The following IER5L variants were observed in gnomAD, a reference collection of about 807,000 sequenced individuals.
IER5L encodes immediate early response 5 like, also known as immediate early response gene 5-like protein.
Under a neutral mutation model 28.3 loss-of-function variants are expected in IER5L, and 6 were observed. The ratio of observed to expected loss-of-function variants is 0.21; its 90% CI spans 0.12 to 0.42. IER5L has a LOEUF of 0.42. Among genes scored for constraint, IER5L ranks in the 10% least tolerant of loss-of-function variants. The pLI is 1.00. For synonymous variants in IER5L, 351 were observed against 282.5 expected (o/e 1.24, Z -2.43); for missense variants, 607 against 575.2 (o/e 1.06, Z -0.56).
In IER5L at chr9:129,175,869, G is replaced by A. The variant is rs1829385567; in HGVS notation, c.*969C>T. On this transcript the variant is annotated 3_prime_UTR_variant, in exon 1 of 1. Transcript: ENST00000372491. This position sits in a 1 kb window ranked among gnomAD's most constrained non-coding sequence, Gnocchi z 5.2. Reference sequence around the variant, plus strand: ...TGCAACCGAAGGCTGAACCAAGGCAGTGCAACTTAGAAGCACACACACAAA... The same window carrying A: ...TGCAACCGAAGGCTGAACCAAGGCAATGCAACTTAGAAGCACACACACAAA... 6.6e-6 allele frequency: 1 copy of A among 152,270 alleles called. No homozygotes were observed. 9.4% of individuals were successfully genotyped at this position (152,270 alleles called of 1,614,324 possible).
chr9:129,178,175 T>C lies in IER5L; in HGVS notation c.-123A>G. ...GGGGTAACGGAGTCCGGGTCAGAGG[T>C]TCGGCTGCGCTCCGAAAGGAGCCGC... On this transcript the variant is annotated 5_prime_UTR_variant, in exon 1 of 1. Transcript: ENST00000372491. 1.2e-6 allele frequency: 1 copy of C among 817,654 alleles called. No individual in the cohort carries two copies. The highest frequency in any genetic ancestry group is 1.7e-6 in the Non-Finnish European group (1 of 596,902). The allele number at this position is 817,654 out of a possible 1,614,324, so 50.6% of individuals were successfully genotyped here.
chr9:129,177,462 G>C lies in IER5L; in HGVS notation c.591C>G (p.Leu197=). ...CCGGGGCGCGAGGGTCCCGCGGGCAGAGCGCAGCGGGCGCGGGCGGCGGCA... is the reference window on the plus strand; with the variant it reads ...CCGGGGCGCGAGGGTCCCGCGGGCACAGCGCAGCGGGCGCGGGCGGCGGCA... The part of the protein sequence containing the change: ...LPLPPPAPAA[L]CPRDPRAPAA... Residue 197 remains leucine (L), a synonymous_variant, in exon 1 of 1, where the codon CTC becomes CTG. Transcript: ENST00000372491. 1 of 1,043,728 alleles carries C rather than the reference G, an allele frequency of 9.6e-7. No homozygotes were observed. Among genetic ancestry groups the C allele is most frequent in the Non-Finnish European group, 1.2e-6 (1 of 869,278 alleles). The allele number at this position is 1,043,728 out of a possible 1,614,324, so 64.7% of individuals were successfully genotyped here.
At position 129,177,237 on chromosome 9, in the gene IER5L, C is replaced by A; in HGVS notation, c.816G>T (p.Leu272Phe). Residue 272 changes from leucine (L) to phenylalanine (F), a missense_variant, in exon 1 of 1, where the codon TTG (leucine) becomes TTT (phenylalanine). Coordinates refer to ENST00000372491, the MANE Select transcript of IER5L (RefSeq NM_203434.3). ...HVVTTVENGY[L>F]HQDCCASAHC... ...GGGCGGAGGCGCAGCAGTCCTGGTG[C>A]AAGTAGCCGTTCTCCACCGTGGTCA... The A allele has an allele frequency of 6.8e-7, 1 of 1,466,766 alleles. No individual in the cohort carries two copies. Among genetic ancestry groups the A allele is most frequent in the South Asian group, 1.4e-5 (1 of 69,494 alleles). 90.9% of individuals were successfully genotyped at this position (1,466,766 alleles called of 1,614,324 possible).
chr9:129,176,796 C>A lies in IER5L; in HGVS notation c.*42G>T. On this transcript the variant is annotated 3_prime_UTR_variant, in exon 1 of 1. Transcript: ENST00000372491. ...CCCTTTGCCGAGTCTTTGTCTGGCCCCAGCCCCGCGGGGCCCCGGGTCCCT... is the reference window on the plus strand; with the variant it reads ...CCCTTTGCCGAGTCTTTGTCTGGCCACAGCCCCGCGGGGCCCCGGGTCCCT... 6.8e-7 allele frequency: 1 copy of A among 1,475,692 alleles called. No individual in the cohort carries two copies. The highest frequency in any genetic ancestry group is 1.4e-5 in the South Asian group (1 of 72,698). 91.4% of individuals were successfully genotyped at this position (1,475,692 alleles called of 1,614,324 possible).
In IER5L at chr9:129,178,214, G is replaced by A. The variant is rs888542851; in HGVS notation, c.-162C>T. 1.3e-5 allele frequency: 7 copies of A among 536,136 alleles called. No individual in the cohort carries two copies. The highest frequency in any genetic ancestry group is 2.0e-5 in the Non-Finnish European group (7 of 343,010). 33.2% of individuals were successfully genotyped at this position (536,136 alleles called of 1,614,324 possible). On this transcript the variant is annotated 5_prime_UTR_variant, in exon 1 of 1. Coordinates refer to ENST00000372491, the MANE Select transcript of IER5L (RefSeq NM_203434.3). ...GAAAGGAGCCGCCACCATGCGCCGC[G>A]CGCCACCCGCGGGCTCGCGCTCCCC...
Position 129,176,908 on chromosome 9 carries a change from T to C in IER5L, c.1145A>G (p.Asn382Ser), listed in dbSNP as rs770595002. ...PDSSEQPPPL[N>S]GQLCAKQALA... Reference sequence around the variant, plus strand: ...CGCCTGCTTGGCGCACAGCTGCCCGTTGAGCGGCGGCGGCTGCTCCGAGGA... The same window carrying C: ...CGCCTGCTTGGCGCACAGCTGCCCGCTGAGCGGCGGCGGCTGCTCCGAGGA... The change falls in exon 1 of 1, where the codon AAC (asparagine) becomes AGC (serine). Residue 382 changes from asparagine to serine, a missense_variant. Transcript: ENST00000372491. 1.9e-6 allele frequency: 3 copies of C among 1,605,336 alleles called. No homozygotes were observed. Among genetic ancestry groups the C allele is most frequent in the Non-Finnish European group, 2.5e-6 (3 of 1,177,060 alleles).
chr9:129,176,747 C>T lies in IER5L; in HGVS notation c.*91G>A. 1.4e-6 allele frequency: 2 copies of T among 1,382,712 alleles called. No homozygotes were observed. Among genetic ancestry groups the T allele is most frequent in the Non-Finnish European group, 1.9e-6 (2 of 1,071,378 alleles). 85.7% of individuals were successfully genotyped at this position (1,382,712 alleles called of 1,614,324 possible). Reference sequence around the variant, plus strand: ...CCCAGCTCAGCCCCGAGTGGCCCGGCGCCCGCTCGTTCCCTCCTCTCGCCC... The same window carrying T: ...CCCAGCTCAGCCCCGAGTGGCCCGGTGCCCGCTCGTTCCCTCCTCTCGCCC... On this transcript the variant is annotated 3_prime_UTR_variant, in exon 1 of 1. Transcript: ENST00000372491.
Position 129,177,144 on chromosome 9 carries a change from C to T in IER5L, c.909G>A (p.Lys303=), listed in dbSNP as rs755993737. The change falls in exon 1 of 1, where the codon AAG becomes AAA. Residue 303 remains lysine (K), a synonymous_variant. Transcript: ENST00000372491. ...GLASAAGCKR[K]YYPGQEEEED... is the part of the protein sequence containing the mutation. ...CCTCCTCCTCCTGGCCAGGGTAATA[C>T]TTGCGCTTGCAGCCGGCGGCGGACG... 2 of 1,465,574 alleles carry T rather than the reference C, an allele frequency of 1.4e-6. No individual in the cohort carries two copies. The highest frequency in any genetic ancestry group is 2.6e-5 in the East Asian group (1 of 38,460). 90.8% of individuals were successfully genotyped at this position (1,465,574 alleles called of 1,614,324 possible).
In IER5L at chr9:129,177,423, C is replaced by T. The variant is rs1453634340; in HGVS notation, c.630G>A (p.Ala210=). The change falls in exon 1 of 1, where the codon GCG becomes GCA. Residue 210 remains alanine, a synonymous_variant. Coordinates refer to ENST00000372491, the MANE Select transcript of IER5L (RefSeq NM_203434.3). ...CGGCCGGAGGGGCGGCCCCTGGGGG[C>T]GCGGAGCAGGCGGCCGGGGCGCGAG... is the stretch of plus-strand genomic sequence containing the variant. ...RDPRAPAACS[A]PPGAAPPAAA... 6 of 1,218,754 alleles carry T rather than the reference C, an allele frequency of 4.9e-6. No homozygotes were observed. Among genetic ancestry groups the T allele is most frequent in the Non-Finnish European group, 6.1e-6 (6 of 980,540 alleles). 75.5% of individuals were successfully genotyped at this position (1,218,754 alleles called of 1,614,324 possible).
At position 129,177,887 on chromosome 9, in the gene IER5L, A is replaced by G. The variant is rs773271697; in HGVS notation, c.166T>C (p.Tyr56His). The change falls in exon 1 of 1, where the codon TAC becomes CAC. Residue 56 changes from tyrosine to histidine, a missense_variant. Transcript: ENST00000372491. The part of the protein sequence containing the change: ...LYLSERYAEL[Y>H]RRQQQQQQQQ... ...TGTTGCTGCTGCTGCTGGCGCCGGT[A>G]GAGCTCGGCGTAGCGCTCGCTCAGG... is the stretch of plus-strand genomic sequence containing the variant. 5 of 1,548,226 alleles carry G rather than the reference A, an allele frequency of 3.2e-6. No individual in the cohort carries two copies. In the South Asian group the frequency reaches 6.0e-5, roughly 18 times the overall value.
At position 129,177,332 on chromosome 9, in the gene IER5L, G is replaced by C; in HGVS notation, c.721C>G (p.Pro241Ala). 7.4e-7 allele frequency: 1 copy of C among 1,352,156 alleles called. No individual in the cohort carries two copies. 83.8% of individuals were successfully genotyped at this position (1,352,156 alleles called of 1,614,324 possible). Residue 241 changes from proline to alanine, a missense_variant, in exon 1 of 1, where the codon CCT (proline) becomes GCT (alanine). Coordinates refer to ENST00000372491, the MANE Select transcript of IER5L (RefSeq NM_203434.3). ...TGCAAGCCGAAGTCCGAAGGGGTAG[G>C]GTATGCGCCCCGGTAGAAGCCGGGG... ...SSPGFYRGAY[P>A]TPSDFGLHCS... is the part of the protein sequence containing the mutation.
chr9:129,176,832 G>C lies in IER5L; in HGVS notation c.*6C>G. Reference sequence around the variant, plus strand: ...GGGCCCCGGGTCCCTGTGCCCTCGGGGGTCCCTAGAAGGCGACAATGGCTC... The same window carrying C: ...GGGCCCCGGGTCCCTGTGCCCTCGGCGGTCCCTAGAAGGCGACAATGGCTC... On this transcript the variant is annotated 3_prime_UTR_variant, in exon 1 of 1. Coordinates refer to ENST00000372491, the MANE Select transcript of IER5L (RefSeq NM_203434.3). 1 of 1,577,788 alleles carries C rather than the reference G, an allele frequency of 6.3e-7. No individual in the cohort carries two copies. Among genetic ancestry groups the C allele is most frequent in the South Asian group, 1.1e-5 (1 of 87,986 alleles).
In IER5L at chr9:129,177,284, G is replaced by C; in HGVS notation, c.769C>G (p.Leu257Val). Residue 257 changes from leucine (L) to valine (V), a missense_variant, in exon 1 of 1, where the codon CTG becomes GTG. Leu to Val is a conservative substitution (Grantham distance 32). Transcript: ENST00000372491. ...GLHCSSQTTV[L>V]DLDTHVVTTV... ...GTCACCACGTGAGTGTCTAGGTCCA[G>C]CACGGTGGTCTGGCTGCTGCAGTGC... 3 of 1,466,554 alleles carry C rather than the reference G, an allele frequency of 2.0e-6. No individual in the cohort carries two copies. The highest frequency in any genetic ancestry group is 2.5e-5 in the Admixed American group (1 of 40,120). The allele number at this position is 1,466,554 out of a possible 1,614,324, so 90.8% of individuals were successfully genotyped here.
Position 129,176,724 on chromosome 9 carries a change from C to T in IER5L, c.*114G>A. On this transcript the variant is annotated 3_prime_UTR_variant, in exon 1 of 1. Transcript: ENST00000372491. ...TCAGCCGCCTGCCCCCGCTCGCCCCCAGCTCAGCCCCGAGTGGCCCGGCGC... is the reference window on the plus strand; with the variant it reads ...TCAGCCGCCTGCCCCCGCTCGCCCCTAGCTCAGCCCCGAGTGGCCCGGCGC... The T allele has an allele frequency of 2.3e-6, 3 of 1,316,438 alleles. No individual in the cohort carries two copies. Among genetic ancestry groups the T allele is most frequent in the African/African-American group, 3.1e-5 (2 of 64,442 alleles). The allele number at this position is 1,316,438 out of a possible 1,614,324, so 81.5% of individuals were successfully genotyped here.
At position 129,176,982 on chromosome 9, in the gene IER5L, G is replaced by C. The variant is rs780788494; in HGVS notation, c.1071C>G (p.Ile357Met). ...CCGAGAAGCCGGAGCCAAAGATGGA[G>C]ATCAAGTTTGAGATGTTGGACGCGT... Reference protein sequence around the residue: ...SPDASNISNLISIFGSGFSGL... With the variant: ...SPDASNISNLMSIFGSGFSGL... The change falls in exon 1 of 1, where the codon ATC becomes ATG. Residue 357 changes from isoleucine to methionine, a missense_variant. Coordinates refer to ENST00000372491, the MANE Select transcript of IER5L (RefSeq NM_203434.3). 7 of 1,602,286 alleles carry C rather than the reference G, an allele frequency of 4.4e-6. No individual in the cohort carries two copies. In the South Asian group the frequency reaches 4.5e-5, roughly 10 times the overall value.
chr9:129,177,186 A>G lies in IER5L; in HGVS notation c.867T>C (p.Ala289=), dbSNP rs1357745257. ...SAHCPCCGQG[A]PGPGLASAAG... Reference sequence around the variant, plus strand: ...CGGCGGACGCCAGGCCCGGTCCCGGAGCGCCCTGGCCACAGCAGGGGCAGT... The same window carrying G: ...CGGCGGACGCCAGGCCCGGTCCCGGGGCGCCCTGGCCACAGCAGGGGCAGT... Residue 289 remains alanine (A), a synonymous_variant, in exon 1 of 1, where the codon GCT becomes GCC. Transcript: ENST00000372491. 1.4e-6 allele frequency: 2 copies of G among 1,480,352 alleles called. No individual in the cohort carries two copies. The highest frequency in any genetic ancestry group is 1.8e-6 in the Non-Finnish European group (2 of 1,121,448). 91.7% of individuals were successfully genotyped at this position (1,480,352 alleles called of 1,614,324 possible).
Position 129,176,997 on chromosome 9 carries a change from G to A in IER5L, c.1056C>T (p.Asn352=), listed in dbSNP as rs1829412872. The A allele has an allele frequency of 1.4e-5, 23 of 1,599,448 alleles. No homozygotes were observed. The highest frequency in any genetic ancestry group is 1.9e-5 in the Non-Finnish European group (22 of 1,174,490). ...CAAAGATGGAGATCAAGTTTGAGAT[G>A]TTGGACGCGTCCGGGGACGAGTCCG... ...FCPDSSPDAS[N]ISNLISIFGS... The change falls in exon 1 of 1, where the codon AAC becomes AAT. Residue 352 remains asparagine, a synonymous_variant. Transcript: ENST00000372491.
rs1161592408 is a variant in IER5L, at chr9:129,176,223, G to C, written c.*615C>G. The C allele has an allele frequency of 6.6e-6, 1 of 152,180 alleles. No individual in the cohort carries two copies. The highest frequency in any genetic ancestry group is 1.5e-5 in the Non-Finnish European group (1 of 68,018). The allele number at this position is 152,180 out of a possible 1,614,324, so 9.4% of individuals were successfully genotyped here. On this transcript the variant is annotated 3_prime_UTR_variant, in exon 1 of 1. Transcript: ENST00000372491. ...GGAAGAAAAGAAAAAAAAAGTTGAA[G>C]TGTTTTCATTTCTGCCTTCTCATTT...
In IER5L at chr9:129,177,697, T is replaced by C; in HGVS notation, c.356A>G (p.Gln119Arg). ...GTGCAGCTGCTGCTGGAGGTGCAGC[T>C]GGTGGAGCTGGTGGAGCTGGTGCAG... The part of the protein sequence containing the change: ...HQLHQLHQLH[Q>R]LHLQQQLHQH... The change falls in exon 1 of 1, where the codon CAG (glutamine) becomes CGG (arginine). Residue 119 changes from glutamine (Q) to arginine (R), a missense_variant. Physicochemically the swap from Gln to Arg is conservative, Grantham distance 43. Transcript: ENST00000372491. 2.1e-6 allele frequency: 3 copies of C among 1,402,128 alleles called. No homozygotes were observed. The highest frequency in any genetic ancestry group is 2.8e-6 in the Non-Finnish European group (3 of 1,078,358). 86.9% of individuals were successfully genotyped at this position (1,402,128 alleles called of 1,614,324 possible). A position where few individuals can be genotyped will look rare whatever the true frequency, so the allele number is the denominator to read the frequency against.
Sources: allele counts gnomAD v4.1 joint callset, GRCh38; gene constraint gnomAD v4.1.1; non-coding constraint Gnocchi (gnomAD v3.1); transcripts MANE v1.5; gene names NCBI Gene and HGNC (gene_info 2026-07-23, HGNC 2026-07-21).